The following MACROD2 variants were observed in gnomAD, a reference collection of about 807,000 sequenced individuals.
MACROD2 encodes mono-ADP ribosylhydrolase 2, also known as ADP-ribose glycohydrolase MACROD2.
A neutral mutation model predicts 70.4 loss-of-function variants in MACROD2; 36 were observed. The observed-to-expected ratio is 0.51, with a 90% CI of 0.39 to 0.68. The LOEUF (loss-of-function observed/expected upper bound fraction) is 0.68, where lower values mean the gene tolerates loss of function less well. Ranked by LOEUF, MACROD2 falls within the 30% of genes least tolerant of loss-of-function variation. The probability of loss-of-function intolerance (pLI) is 0.00; values close to 1 mark genes in which losing one functional copy is unlikely to be tolerated. For synonymous variants in MACROD2, 172 were observed against 178.8 expected (o/e 0.96, Z 0.30); for missense variants, 496 against 538.4 (o/e 0.92, Z 0.78).
chr20:14,032,151 T>C (rs1442107839), intron 2 of MACROD2, among the ~76,000 whole-genome samples: 1 of 152,104 alleles, frequency 6.6e-6, no homozygotes, highest in African/African-American at 2.4e-5. Context: ...GATGATCTCA[T>C]TATTTTTTAA....
chr20:14,162,389 G>A (rs1183712527), intron 3 of MACROD2, among the ~76,000 whole-genome samples: 4 of 152,110 alleles, frequency 2.6e-5, no homozygotes, highest in African/African-American at 9.7e-5. Context: ...GGTCCATGTG[G>A]TCTAATATGC....
At chr20:14,254,274 T>G (rs1007072028) in intron 3 of MACROD2, among the ~76,000 whole-genome samples, 3 of 152,068 alleles carry the variant, frequency 2.0e-5, no homozygotes, top group African/African-American at 7.2e-5. Flanking sequence ...GGAAACTATT[T>G]TTTCAATCAA....
At chr20:15,865,851 T>C (rs2327970) in intron 9 of MACROD2, among the ~76,000 whole-genome samples, 111,165 of 152,092 alleles carry the variant, frequency 0.73, 41,702 homozygotes, top group East Asian at 0.86. Context: ...TTATTAGTTC[T>C]GTATGCACCA....
intron 8 of MACROD2, among the ~76,000 whole-genome samples, chr20:15,719,054 A>C (rs992669375): frequency 6.6e-6 from 1 of 152,196 alleles, no homozygotes; most frequent in African/African-American, 2.4e-5. Flanking sequence ...CCTTCAAATT[A>C]TCCTTTTGCA....
At chr20:15,711,972 T>A (rs2050635707) in intron 8 of MACROD2, among the ~76,000 whole-genome samples, 1 of 152,198 alleles carries the variant, frequency 6.6e-6, no homozygotes, top group African/African-American at 2.4e-5. Context: ...CTCCCTTTCT[T>A]AAAATGCATG....
At chr20:15,918,640 A>G (rs1453488741) in intron 10 of MACROD2, among the ~76,000 whole-genome samples, 1 of 152,208 alleles carries the variant, frequency 6.6e-6, no homozygotes, top group Non-Finnish European at 1.5e-5. Context: ...TAGTAATGAG[A>G]TATGGGAGAA....
intron 6 of MACROD2, among the ~76,000 whole-genome samples, chr20:15,256,093 A>T (rs1221284031): frequency 6.6e-6 from 1 of 152,116 alleles, no homozygotes; most frequent in East Asian, 1.9e-4. Flanking sequence ...TCAGTTAGGT[A>T]TCTATTTCTG....
chr20:15,601,295 T>C (rs1161015057), intron 8 of MACROD2, among the ~76,000 whole-genome samples: 3 of 152,168 alleles, frequency 2.0e-5, no homozygotes, highest in Non-Finnish European at 2.9e-5. Flanking sequence ...TGGATGTTTC[T>C]TGTAAAGCCT....
chr20:14,587,572 T>G (rs1051889887), intron 4 of MACROD2, among the ~76,000 whole-genome samples: 1 of 151,814 alleles, frequency 6.6e-6, no homozygotes, highest in Non-Finnish European at 1.5e-5. Context: ...TAGATTTATT[T>G]TTATTTCTAG....
chr20:14,316,606 A>C (rs750699293), intron 3 of MACROD2, among the ~76,000 whole-genome samples: 4 of 152,050 alleles, frequency 2.6e-5, no homozygotes, highest in Non-Finnish European at 5.9e-5. Flanking sequence ...CATTAGTGTT[A>C]GTGTATTTTA....
chr20:14,911,432 C>T (rs577793606), intron 5 of MACROD2, among the ~76,000 whole-genome samples: 37 of 152,166 alleles, frequency 2.4e-4, no homozygotes, highest in South Asian at 1.2e-3. Context: ...GGCTAGAGTG[C>T]GGTGGCATGA....
At chr20:15,094,876 G>A (rs991553352) in intron 5 of MACROD2, among the ~76,000 whole-genome samples, 1 of 152,174 alleles carries the variant, frequency 6.6e-6, no homozygotes, top group African/African-American at 2.4e-5. Flanking sequence ...ATCAATGAGA[G>A]ATCTATAACA....
rs1043579805 is a variant in MACROD2 at position 14,795,065 on chromosome 20, C to T, written c.418+110106C>T. ...ATACAACTTGGCATTTTCAAGATAC[C>T]GCCATAGAAGCTACTGGAGCCAATG... On this transcript the variant is annotated intron_variant, in intron 5 of 17. Coordinates refer to ENST00000684519, the MANE Select transcript of MACROD2 (RefSeq NM_001351661.2). Among the ~76,000 whole-genome samples, 23 of 151,904 alleles carry T rather than the reference C, an allele frequency of 1.5e-4. 1 individual carries two copies. The highest frequency in any genetic ancestry group is 2.9e-5 in the Non-Finnish European group (2 of 67,990).
At chr20:14,047,454 CAA>C (rs11479438) in intron 2 of MACROD2, among the ~76,000 whole-genome samples, 676 of 99,188 alleles carry the variant, frequency 6.8e-3, no homozygotes, top group Middle Eastern at 0.01. Flanking sequence ...GACTCCGTCT[CAA>C]AAAAAAAAAA....
intron 4 of MACROD2, among the ~76,000 whole-genome samples, chr20:14,496,260 A>G (rs192910962): frequency 7.6e-4 from 116 of 152,338 alleles, no homozygotes; most frequent in African/African-American, 2.6e-3. Flanking sequence ...TTAATTGACT[A>G]AACAATTTGA....
intron 6 of MACROD2, among the ~76,000 whole-genome samples, chr20:15,254,886 C>A (rs932629824): frequency 6.7e-6 from 1 of 148,678 alleles, no homozygotes; most frequent in Non-Finnish European, 1.5e-5. Context: ...ATTTGTCAAA[C>A]GTGAATTCCT....
chr20:14,517,235 A>T (rs1392466958), intron 4 of MACROD2, among the ~76,000 whole-genome samples: 1 of 152,202 alleles, frequency 6.6e-6, no homozygotes, highest in Non-Finnish European at 1.5e-5. Context: ...AGACACATGC[A>T]CACGTATGTT....
intron 5 of MACROD2, among the ~76,000 whole-genome samples, chr20:15,033,288 A>G (rs914139618): frequency 6.6e-6 from 1 of 152,196 alleles, no homozygotes. Context: ...GTATCTTAAA[A>G]TGTTTACCTC....
At chr20:14,055,434 C>G (rs921248442) in intron 2 of MACROD2, among the ~76,000 whole-genome samples, 1 of 142,872 alleles carries the variant, frequency 7.0e-6, no homozygotes, top group African/African-American at 2.6e-5. Context: ...TTGGTGTTCT[C>G]TTTTATTGCT....
Sources: gnomAD v4.1 joint callset for allele counts (sites outside exome capture counted in the v4.1 genomes callset) on GRCh38, gnomAD v4.1.1 for gene constraint, MANE v1.5 for transcripts, NCBI Gene and HGNC (gene_info 2026-07-23, HGNC 2026-07-21) for gene names.